The following PTH2R variants were observed in gnomAD, a reference collection of about 807,000 sequenced individuals.
The protein encoded by PTH2R is PTH2 receptor.
PTH2R carries 59 observed loss-of-function variants against 60.3 expected under a neutral mutation model. The observed-to-expected ratio is 0.98, with a 90% CI of 0.79 to 1.22. The LOEUF (loss-of-function observed/expected upper bound fraction) is 1.22. Ranked by LOEUF, PTH2R falls within the 50% of genes most tolerant of loss-of-function variation. The probability of loss-of-function intolerance (pLI) is 0.00; values close to 1 mark genes in which losing one functional copy is unlikely to be tolerated. For synonymous variants in PTH2R, 256 were observed against 243.8 expected (o/e 1.05, Z -0.47); for missense variants, 749 against 682.6 (o/e 1.10, Z -1.08).
At chr2:208,432,607 T>C (rs1037992693) in intron 2 of PTH2R, among the ~76,000 whole-genome samples, 3 of 152,176 alleles carry the variant, frequency 2.0e-5, no homozygotes, top group Non-Finnish European at 4.4e-5. Flanking sequence ...AGTCCCATGA[T>C]AGGCCATCTG....
intron 1 of PTH2R, chr2:208,360,710 CCCT>C (rs1423531070): frequency 1.3e-5 from 2 of 153,070 alleles, no homozygotes; most frequent in Non-Finnish European, 2.9e-5. Flanking sequence ...GGTTGCAAGG[CCCT>C]CCTCTTGTTG....
chr2:208,428,199 A>G lies in PTH2R; in HGVS notation c.76-2A>G. ...ATGTTTGTATTTTGTTCACTTCTACAGCTGGATTCTGATGGCACCATTACT... is the reference window on the plus strand; with the variant it reads ...ATGTTTGTATTTTGTTCACTTCTACGGCTGGATTCTGATGGCACCATTACT... On this transcript the variant is annotated splice_acceptor_variant, in intron 1 of 12. Transcript: ENST00000272847. LOFTEE classifies it high-confidence loss of function. 6.2e-7 allele frequency: 1 copy of G among 1,606,456 alleles called. No homozygotes were observed. The highest frequency in any genetic ancestry group is 2.2e-5 in the East Asian group (1 of 44,810).
At chr2:208,377,526 G>A (rs1446774379) in intron 1 of PTH2R, among the ~76,000 whole-genome samples, 1 of 149,990 alleles carries the variant, frequency 6.7e-6, no homozygotes, top group African/African-American at 2.5e-5. Context: ...CCCAGACGGG[G>A]CGGCTGGCCG....
At chr2:208,446,403 C>G (rs1009375907) in intron 7 of PTH2R, among the ~76,000 whole-genome samples, 2 of 152,122 alleles carry the variant, frequency 1.3e-5, no homozygotes, top group African/African-American at 4.8e-5. Context: ...TATTAATTTG[C>G]CCACAAAAGT....
chr2:208,455,455 T>G lies in PTH2R; in HGVS notation c.915-4440T>G, dbSNP rs141857799. Among the ~76,000 whole-genome samples, 844 of 152,342 alleles carry G rather than the reference T, an allele frequency of 5.5e-3. 8 individuals are homozygous for G. Among genetic ancestry groups the G allele is most frequent in the African/African-American group, 0.019 (802 of 41,584 alleles). ...CATTCATTCAATTAGTTATATCATG[T>G]GACCACCTTGCAAAATATTCCACTT... On this transcript the variant is annotated intron_variant, in intron 8 of 12. Coordinates refer to ENST00000272847, the MANE Select transcript of PTH2R (RefSeq NM_005048.4).
chr2:208,399,626 T>C (rs910024485), intron 1 of PTH2R, among the ~76,000 whole-genome samples: 9 of 152,272 alleles, frequency 5.9e-5, no homozygotes, highest in African/African-American at 2.2e-4. Flanking sequence ...TAAGTGCATC[T>C]GTGTGACTCC....
chr2:208,407,748 C>G (rs114616708), intron 1 of PTH2R, among the ~76,000 whole-genome samples: 133 of 152,270 alleles, frequency 8.7e-4, no homozygotes, highest in African/African-American at 3.1e-3. Context: ...AATTCATACG[C>G]ACTTTTTTTT....
At chr2:208,435,504 A>C (rs2105863110) in intron 2 of PTH2R, among the ~76,000 whole-genome samples, 1 of 152,340 alleles carries the variant, frequency 6.6e-6, no homozygotes, top group South Asian at 2.1e-4. Context: ...TTGAAGCAGA[A>C]AATGAGAGAG....
At chr2:208,481,731 C>A (rs1174078669) in intron 10 of PTH2R, among the ~76,000 whole-genome samples, 1 of 152,124 alleles carries the variant, frequency 6.6e-6, no homozygotes, top group Non-Finnish European at 1.5e-5. Flanking sequence ...TATATATGAA[C>A]TCCCAGAAAA....
rs1703344322 is a variant in PTH2R at position 208,489,118 on chromosome 2, A to C, written c.1183A>C (p.Met395Leu). Residue 395 changes from methionine (M) to leucine (L), a missense_variant, in exon 11 of 13, where the codon ATG (methionine) becomes CTG (leucine). Coordinates refer to ENST00000272847, the MANE Select transcript of PTH2R (RefSeq NM_005048.4). The part of the protein sequence containing the change: ...SFTGLGWEIR[M>L]HCELFFNSFQ... The stretch of plus-strand genomic sequence containing the variant: ...CACTGGGCTCGGGTGGGAGATCCGC[A>C]TGCACTGTGAGCTCTTCTTCAACTC... 3 of 1,614,090 alleles carry C rather than the reference A, an allele frequency of 1.9e-6. No homozygotes were observed. The East Asian group carries it at 6.7e-5, about 36-fold the overall frequency.
Position 208,436,242 on chromosome 2 carries a change from G to A in PTH2R, c.179-1295G>A, listed in dbSNP as rs113634047. Among the ~76,000 whole-genome samples the A allele has an allele frequency of 8.9e-3, 1,359 of 151,916 alleles. 22 individuals are homozygous for A. The highest frequency in any genetic ancestry group is 0.03 in the African/African-American group (1,251 of 41,480). ...TTTTGGGATGCAATTTTAGATAAGC[G>A]TGTTTACTCAGAAGTTGACATTTGA... is the stretch of plus-strand genomic sequence containing the variant. On this transcript the variant is annotated intron_variant, in intron 2 of 12. Transcript: ENST00000272847.
At chr2:208,479,605 T>A (rs778841398) in intron 9 of PTH2R, among the ~76,000 whole-genome samples, 1 of 152,210 alleles carries the variant, frequency 6.6e-6, no homozygotes, top group Non-Finnish European at 1.5e-5. Context: ...CTCAAGTAGC[T>A]TTTCACCTTC....
At chr2:208,490,857 T>C (rs1703389040) in intron 12 of PTH2R, among the ~76,000 whole-genome samples, 177 bp downstream of exon 12, 1 of 152,218 alleles carries the variant, frequency 6.6e-6, no homozygotes, top group South Asian at 2.1e-4. Context: ...TAACCTAAAG[T>C]CTTCCTCTTC....
intron 1 of PTH2R, among the ~76,000 whole-genome samples, chr2:208,418,276 A>G (rs1176296160): frequency 6.6e-6 from 1 of 152,136 alleles, no homozygotes; most frequent in Non-Finnish European, 1.5e-5. Context: ...TATACTTATC[A>G]AAGGACGATA....
intron 1 of PTH2R, among the ~76,000 whole-genome samples, chr2:208,374,677 A>G (rs1248444308): frequency 6.6e-6 from 1 of 151,298 alleles, no homozygotes; most frequent in Admixed American, 6.6e-5. Flanking sequence ...TAAGTTTTGT[A>G]TTTTTTTTAG....
intron 1 of PTH2R, among the ~76,000 whole-genome samples, chr2:208,370,706 G>A (rs1700684359): frequency 6.6e-6 from 1 of 151,994 alleles, no homozygotes; most frequent in Non-Finnish European, 1.5e-5. Context: ...GAAACTTCAT[G>A]TGAAGTTTCA....
intron 1 of PTH2R, among the ~76,000 whole-genome samples, chr2:208,408,934 T>C (rs943090131): frequency 4.6e-5 from 7 of 152,024 alleles, no homozygotes; most frequent in African/African-American, 1.7e-4. Context: ...TTGTTGGGGG[T>C]GGGTGTGTTG....
intron 1 of PTH2R, among the ~76,000 whole-genome samples, chr2:208,398,688 T>C (rs997186837): frequency 3.9e-5 from 6 of 152,382 alleles, no homozygotes; most frequent in East Asian, 1.9e-4. Context: ...GTGATTTCTC[T>C]CTTTCCATAA....
At chr2:208,396,721 G>A (rs937996810) in intron 1 of PTH2R, among the ~76,000 whole-genome samples, 4 of 152,206 alleles carry the variant, frequency 2.6e-5, no homozygotes, top group Admixed American at 2.6e-4. Context: ...GTGTAAATGA[G>A]TTCAACCATT....
Sources: allele counts gnomAD v4.1 joint callset (sites outside exome capture counted in the v4.1 genomes callset), GRCh38; gene constraint gnomAD v4.1.1; transcripts MANE v1.5; gene names NCBI Gene and HGNC (gene_info 2026-07-23, HGNC 2026-07-21).